The following WDR49 variants were observed in gnomAD, a reference collection of about 807,000 sequenced individuals.
The protein encoded by WDR49 is cilia- and flagella-associated protein 337.
In WDR49, 107 loss-of-function variants were observed where a neutral mutation model predicts 119.5. That is an observed-to-expected ratio of 0.90 (90% CI 0.77 to 1.05). WDR49 has a LOEUF of 1.05. WDR49 is among the 50% of genes least tolerant of loss of function. The probability of loss-of-function intolerance (pLI) is 0.00; values close to 1 mark genes in which losing one functional copy is unlikely to be tolerated. For synonymous variants in WDR49, 425 were observed against 418.8 expected (o/e 1.01, Z -0.18); for missense variants, 1,240 against 1,220.5 (o/e 1.02, Z -0.24).
At chr3:167,626,497 G>C (rs1411144403) in intron 3 of WDR49, among the ~76,000 whole-genome samples, 1 of 152,034 alleles carries the variant, frequency 6.6e-6, no homozygotes, top group African/African-American at 2.4e-5. Flanking sequence ...CTAGCACAGT[G>C]ATCAAAATTA....
intron 18 of WDR49, among the ~76,000 whole-genome samples, chr3:167,488,127 G>A (rs377171967): frequency 2.1e-3 from 301 of 141,470 alleles, no homozygotes; most frequent in African/African-American, 7.7e-3. Context: ...ATTGGATAAA[G>A]AAAATGTGAT....
At chr3:167,556,690 A>G (rs182611955) in intron 9 of WDR49, among the ~76,000 whole-genome samples, 1 of 152,234 alleles carries the variant, frequency 6.6e-6, no homozygotes, top group Non-Finnish European at 1.5e-5. Flanking sequence ...GTTTGAGACC[A>G]GCCTGGCCAA....
intron 7 of WDR49, among the ~76,000 whole-genome samples, chr3:167,592,930 C>T (rs1400710958): frequency 6.6e-6 from 1 of 152,140 alleles, no homozygotes; most frequent in East Asian, 1.9e-4. Context: ...ATGCTATTCT[C>T]TCCTGGCCTG....
rs558682977 is a variant in WDR49 at position 167,502,788 on chromosome 3, G to A, written c.2885-2489C>T. Among the ~76,000 whole-genome samples, 70 of 152,220 alleles carry A rather than the reference G, an allele frequency of 4.6e-4. 1 individual carries two copies. In the South Asian group the frequency reaches 4.8e-3, roughly 10 times the overall value. On this transcript the variant is annotated intron_variant, in intron 17 of 18. Coordinates refer to ENST00000682715, the MANE Select transcript of WDR49 (RefSeq NM_001366157.1). ...GCTTCTAATAGCCTAGCTTAGATAT[G>A]GGAGCAAGAAATAAAGGTGGAAATT...
At chr3:167,536,250 G>T (rs1753017823) in intron 11 of WDR49, among the ~76,000 whole-genome samples, 1 of 152,080 alleles carries the variant, frequency 6.6e-6, no homozygotes, top group Non-Finnish European at 1.5e-5. Context: ...ACTAAGATAT[G>T]ATATATGTGT....
chr3:167,624,785 TA>T (rs1049561394), intron 3 of WDR49, among the ~76,000 whole-genome samples: 90 of 152,148 alleles, frequency 5.9e-4, no homozygotes, highest in African/African-American at 2.1e-3. Context: ...CACATAGATA[TA>T]AAAAAATCAT....
At chr3:167,506,580 T>C (rs1751776914) in intron 16 of WDR49, among the ~76,000 whole-genome samples, 1 of 152,114 alleles carries the variant, frequency 6.6e-6, no homozygotes, top group Non-Finnish European at 1.5e-5. Context: ...CTTTTAGAGG[T>C]TTTAGATTTG....
At chr3:167,593,774 A>C (rs1715260367) in intron 7 of WDR49, among the ~76,000 whole-genome samples, 2 of 152,088 alleles carry the variant, frequency 1.3e-5, no homozygotes, top group Non-Finnish European at 2.9e-5. Context: ...TCCCACCCAA[A>C]TCTCATCTCA....
intron 2 of WDR49, among the ~76,000 whole-genome samples, chr3:167,633,878 T>C (rs1008286914): frequency 6.6e-6 from 1 of 152,004 alleles, no homozygotes; most frequent in African/African-American, 2.4e-5. Context: ...TTCTTTACAT[T>C]AGGCAACTCT....
At chr3:167,611,307 C>T (rs113573723) in intron 5 of WDR49, among the ~76,000 whole-genome samples, 3,473 of 152,200 alleles carry the variant, frequency 0.023, 123 homozygotes, top group African/African-American at 0.076. Context: ...TTGCAAGTCT[C>T]ATGGTAACCT....
intron 7 of WDR49, among the ~76,000 whole-genome samples, chr3:167,582,652 G>T (rs565968935): frequency 1.3e-5 from 2 of 152,156 alleles, no homozygotes; most frequent in African/African-American, 4.8e-5. Flanking sequence ...AAATCTCATT[G>T]ATTTCCCAGT....
In WDR49 at chr3:167,500,290, C is replaced by T; in HGVS notation, c.2894G>A (p.Arg965Lys). The change falls in exon 18 of 19, where the codon AGG (arginine) becomes AAG (lysine). Residue 965 changes from arginine to lysine, a missense_variant. By Grantham distance (26) the Arg-to-Lys change is conservative (BLOSUM62 2). Coordinates refer to ENST00000682715, the MANE Select transcript of WDR49 (RefSeq NM_001366157.1). ...EVIKKSFSTF[R>K]SLNIGALEEL... ...TTCCAGGGCTCCAATGTTTAATGACCTAAATGTACCTTCACAACAGCAGGT... is the reference window on the plus strand; with the variant it reads ...TTCCAGGGCTCCAATGTTTAATGACTTAAATGTACCTTCACAACAGCAGGT... 1 of 1,604,376 alleles carries T rather than the reference C, an allele frequency of 6.2e-7. No individual in the cohort carries two copies. Among genetic ancestry groups the T allele is most frequent in the Non-Finnish European group, 8.5e-7 (1 of 1,176,914 alleles).
chr3:167,595,244 C>A (rs1208378765), intron 7 of WDR49, among the ~76,000 whole-genome samples: 1 of 152,192 alleles, frequency 6.6e-6, no homozygotes, highest in Non-Finnish European at 1.5e-5. Context: ...GAAGAATATT[C>A]CACGCTCATG....
rs144220568 is a variant in WDR49, at chr3:167,560,473, A to G, written c.1510-245T>C. ...AATCTGCTTTCCTTACTCACCATTC[A>G]GCTTTAGTGTCTAGAGGCCATTCCG... On this transcript the variant is annotated intron_variant, in intron 8 of 18. Coordinates refer to ENST00000682715, the MANE Select transcript of WDR49 (RefSeq NM_001366157.1). Among the ~76,000 whole-genome samples, 279 of 152,308 alleles carry G rather than the reference A, an allele frequency of 1.8e-3. 1 individual carries two copies. The highest frequency in any genetic ancestry group is 6.8e-3 in the Middle Eastern group (2 of 294).
intron 2 of WDR49, among the ~76,000 whole-genome samples, chr3:167,633,886 T>C (rs1208917571): frequency 5.3e-5 from 8 of 152,002 alleles, no homozygotes; most frequent in African/African-American, 2.4e-5. Flanking sequence ...ATTAGGCAAC[T>C]CTATTCAAGC....
intron 2 of WDR49, among the ~76,000 whole-genome samples, chr3:167,644,145 A>G (rs1242433557): frequency 6.6e-6 from 1 of 151,586 alleles, no homozygotes; most frequent in Non-Finnish European, 1.5e-5. Context: ...TAATGCTAAA[A>G]TTCAATGGAA....
At chr3:167,595,187 A>T (rs1715348199) in intron 7 of WDR49, among the ~76,000 whole-genome samples, 1 of 152,166 alleles carries the variant, frequency 6.6e-6, no homozygotes, top group East Asian at 1.9e-4. Flanking sequence ...CTTCAAGGAG[A>T]ACTACAAACC....
At chr3:167,565,588 TAG>T (rs2108274794) in intron 8 of WDR49, among the ~76,000 whole-genome samples, 1 of 152,254 alleles carries the variant, frequency 6.6e-6, no homozygotes, top group East Asian at 1.9e-4. Context: ...GAATCATTTG[TAG>T]AGACATAACT....
chr3:167,617,218 G>A (rs1358782471), intron 5 of WDR49, among the ~76,000 whole-genome samples: 2 of 151,968 alleles, frequency 1.3e-5, no homozygotes, highest in African/African-American at 4.8e-5. Context: ...CAGGAAAAAC[G>A]TTGGCAAGAA....
Sources: allele counts gnomAD v4.1 joint callset (sites outside exome capture counted in the v4.1 genomes callset), GRCh38; gene constraint gnomAD v4.1.1; transcripts MANE v1.5; gene names NCBI Gene and HGNC (gene_info 2026-07-23, HGNC 2026-07-21).